Variants in JAKMIP3 observed in about 807,000 individuals in gnomAD.
The protein encoded by JAKMIP3 is Janus kinase and microtubule interacting protein 3, also known as janus kinase and microtubule-interacting protein 3.
A neutral mutation model predicts 118.5 loss-of-function variants in JAKMIP3; 58 were observed. The ratio of observed to expected loss-of-function variants is 0.49; its 90% CI spans 0.40 to 0.61. JAKMIP3 has a LOEUF of 0.61. Ranked by LOEUF, JAKMIP3 falls within the 20% of genes least tolerant of loss-of-function variation. The probability of loss-of-function intolerance (pLI) is 0.00; values close to 1 mark genes in which losing one functional copy is unlikely to be tolerated. For synonymous variants in JAKMIP3, 486 were observed against 451.2 expected (o/e 1.08, Z -0.98); for missense variants, 950 against 1,109.0 (o/e 0.86, Z 2.04).
chr10:132,150,053 T>A lies in JAKMIP3; in HGVS notation c.2007+12T>A. The A allele has an allele frequency of 6.3e-7, 1 of 1,592,004 alleles. No homozygotes were observed. On this transcript the variant is annotated intron_variant, in intron 16 of 23. Transcript: ENST00000684848. ...ATAACGCCGTAAGTGTATGTCGCTCTCCTGGCTTGTGCATGCCTCTTACAC... is the reference window on the plus strand; with the variant it reads ...ATAACGCCGTAAGTGTATGTCGCTCACCTGGCTTGTGCATGCCTCTTACAC...
intron 1 of JAKMIP3, among the ~76,000 whole-genome samples, chr10:132,099,982 C>T (rs374175339): frequency 2.6e-4 from 39 of 152,322 alleles, no homozygotes; most frequent in African/African-American, 8.2e-4. Flanking sequence ...GGGACAGCCC[C>T]GGTCCCAGCC....
At chr10:132,180,728 TGCGTGTGTGCGTGCGTGCGC>T (rs2061163880) in intron 23 of JAKMIP3, among the ~76,000 whole-genome samples, 1 of 19,846 alleles carries the variant, frequency 5.0e-5, no homozygotes, top group African/African-American at 3.2e-4. Flanking sequence ...TGCGTGTGTG[TGCGTGTGTGCGTGCGTGCGC>T]GCGCGTGTGT....
In JAKMIP3 at chr10:132,153,844, C is replaced by G; in HGVS notation, c.2142+17C>G. ...AGCGAGAAGGTTGGTGGCACCTTCA[C>G]CGAGGTTCTGCGGCTCGGTGCTGCA... On this transcript the variant is annotated intron_variant, in intron 18 of 23. Coordinates refer to ENST00000684848, the MANE Select transcript of JAKMIP3 (RefSeq NM_001323087.2). 6.2e-7 allele frequency: 1 copy of G among 1,613,106 alleles called. No individual in the cohort carries two copies. Among genetic ancestry groups the G allele is most frequent in the Non-Finnish European group, 8.5e-7 (1 of 1,179,762 alleles).
chr10:132,080,517 TTTTTTTTTTTTTTTTTTTTTTTA>T (rs950199945), intron 1 of JAKMIP3, among the ~76,000 whole-genome samples: 4 of 85,972 alleles, frequency 4.7e-5, no homozygotes, highest in African/African-American at 9.2e-5. Flanking sequence ...TTTTTTTTTT[TTTTTTTTTTTTTTTTTTTTTTTA>T]AGATGGAGTC....
rs1355503004 is a variant in JAKMIP3 at position 132,135,071 on chromosome 10, C to T, written c.880C>T (p.Arg294Cys). The T allele has an allele frequency of 6.8e-6, 11 of 1,613,438 alleles. No individual in the cohort carries two copies. The highest frequency in any genetic ancestry group is 2.2e-5 in the East Asian group (1 of 44,886). The change falls in exon 5 of 24, where the codon CGC becomes TGC. Residue 294 changes from arginine to cysteine, a missense_variant. Coordinates refer to ENST00000684848, the MANE Select transcript of JAKMIP3 (RefSeq NM_001323087.2). The stretch of plus-strand genomic sequence containing the variant: ...GCAGTTGGATGAAAAAGATGCCCGG[C>T]GCTTCCAGCTTAAAATCGCGGAGTT... ...EQQLDEKDAR[R>C]FQLKIAELSA...
chr10:132,108,371 G>A (rs1224938508), intron 2 of JAKMIP3, among the ~76,000 whole-genome samples: 1 of 152,102 alleles, frequency 6.6e-6, no homozygotes, highest in East Asian at 1.9e-4. Flanking sequence ...CCAGTCCCGG[G>A]GGACAGTGGA....
intron 1 of JAKMIP3, among the ~76,000 whole-genome samples, chr10:132,093,030 T>C (rs571018737): frequency 6.6e-6 from 1 of 152,290 alleles, no homozygotes; most frequent in Admixed American, 6.5e-5. Context: ...TTTCTGGAGG[T>C]CCACTCCAGA....
At chr10:132,085,115 C>A (rs2042220460) in intron 1 of JAKMIP3, among the ~76,000 whole-genome samples, 1 of 151,852 alleles carries the variant, frequency 6.6e-6, no homozygotes, top group Admixed American at 6.6e-5. Flanking sequence ...TTCTCTCTTT[C>A]TCTATTTTGT....
chr10:132,085,512 T>TTTTA (rs1479636436), intron 1 of JAKMIP3, among the ~76,000 whole-genome samples: 1 of 151,864 alleles, frequency 6.6e-6, no homozygotes, highest in Non-Finnish European at 1.5e-5. Context: ...TCTTTTTTTT[T>TTTTA]TTTTGTGAGA....
At chr10:132,067,081 C>G (rs376700116) in intron 1 of JAKMIP3, among the ~76,000 whole-genome samples, 3 of 151,998 alleles carry the variant, frequency 2.0e-5, no homozygotes, top group Non-Finnish European at 2.9e-5. Context: ...CCTCAGTTCC[C>G]GAGAAGAGCA....
At chr10:132,177,336 C>G (rs2060231594) in intron 23 of JAKMIP3, among the ~76,000 whole-genome samples, 1 of 152,252 alleles carries the variant, frequency 6.6e-6, no homozygotes, top group Non-Finnish European at 1.5e-5. Context: ...AACCAGGAAC[C>G]CATGGAGAAC....
intron 1 of JAKMIP3, among the ~76,000 whole-genome samples, chr10:132,068,017 A>ATGGGCTTCCGTGTGGACTG (rs1317347956): frequency 9.6e-5 from 6 of 62,738 alleles, no homozygotes; most frequent in South Asian, 5.7e-4. Flanking sequence ...GGACTGGACT[A>ATGGGCTTCCGTGTGGACTG]TGGGCTTCCG....
At chr10:132,177,660 CGT>C (rs917557142) in intron 23 of JAKMIP3, among the ~76,000 whole-genome samples, 5 of 144,610 alleles carry the variant, frequency 3.5e-5, no homozygotes, top group African/African-American at 5.2e-5. Flanking sequence ...GGGTAGTGTG[CGT>C]GTGTGTGTCC....
rs2061278133 is a variant in JAKMIP3, at chr10:132,180,770, C to CGTGTGTGTGCGT, written c.*1104-1578_*1104-1577insCGTGTGTGTGTG. On this transcript the variant is annotated intron_variant, in intron 23 of 23. Transcript: ENST00000684848. The stretch of plus-strand genomic sequence containing the variant: ...GCGCGCGCGTGTGTGCGTGTGTGTG[C>CGTGTGTGTGCGT]GTGTGTGTGTGTGCGCGTATGCATG... Among the ~76,000 whole-genome samples, 2 of 52,202 alleles carry CGTGTGTGTGCGT rather than the reference C, an allele frequency of 3.8e-5. 1 individual carries two copies. 34.2% of individuals were successfully genotyped at this position (52,202 alleles called of 152,430 possible).
At position 132,057,956 on chromosome 10, in the gene JAKMIP3, A is replaced by C. The variant is rs114756223; in HGVS notation, c.-138+21218A>C. The stretch of plus-strand genomic sequence containing the variant: ...GACAGGGTTCGGGTGACACTCAAAC[A>C]GGAGAGTCTGCAATCAGGGCCGCAT... On this transcript the variant is annotated intron_variant, in intron 1 of 23. Transcript: ENST00000657785. 4.4e-3 allele frequency among the ~76,000 whole-genome samples: 663 copies of C among 152,332 alleles called. 3 individuals carry two copies. The highest frequency in any genetic ancestry group is 0.015 in the African/African-American group (619 of 41,574).
chr10:132,090,162 A>T (rs1240797104), intron 1 of JAKMIP3, among the ~76,000 whole-genome samples: 1 of 152,186 alleles, frequency 6.6e-6, no homozygotes, highest in Non-Finnish European at 1.5e-5. Flanking sequence ...ATATTGGTCT[A>T]AAATTCTCTT....
rs145447561 is a variant in JAKMIP3 at position 132,047,182 on chromosome 10, G to A, written c.-138+10444G>A. 1.0e-3 allele frequency among the ~76,000 whole-genome samples: 154 copies of A among 152,316 alleles called. 2 individuals are homozygous for A. Among genetic ancestry groups the A allele is most frequent in the African/African-American group, 3.4e-3 (143 of 41,574 alleles). On this transcript the variant is annotated intron_variant, in intron 1 of 23. Coordinates refer to the JAKMIP3 transcript ENST00000657785. ...AGCCACTGCACCCAGCCACAAGCAG[G>A]TTTTTTAAGGTAAAAAGGCGGGGCA...
chr10:132,058,796 G>A (rs1321976454), intron 1 of JAKMIP3, among the ~76,000 whole-genome samples: 4 of 152,212 alleles, frequency 2.6e-5, no homozygotes, highest in Admixed American at 6.5e-5. Flanking sequence ...TAAATCCACC[G>A]TATGTTCAAG....
chr10:132,133,920 G>A (rs546011012), intron 4 of JAKMIP3, among the ~76,000 whole-genome samples: 2 of 152,340 alleles, frequency 1.3e-5, no homozygotes, highest in South Asian at 2.1e-4. Context: ...CTCTGGCCCG[G>A]GAAGGCTGGT....
Sources: allele counts gnomAD v4.1 joint callset (sites outside exome capture counted in the v4.1 genomes callset), GRCh38; gene constraint gnomAD v4.1.1; transcripts MANE v1.5; gene names NCBI Gene and HGNC (gene_info 2026-07-23, HGNC 2026-07-21).